HHAT: variants seen among roughly 807,000 people sequenced by gnomAD.
HHAT encodes protein-cysteine N-palmitoyltransferase HHAT.
Under a neutral mutation model 70.8 loss-of-function variants are expected in HHAT, and 47 were observed. That is an observed-to-expected ratio of 0.66 (90% CI 0.53 to 0.85). The LOEUF is 0.85. HHAT is among the 40% of genes least tolerant of loss of function. The probability of loss-of-function intolerance (pLI) is 0.00; values close to 1 mark genes in which losing one functional copy is unlikely to be tolerated. For missense variants in HHAT, 609 were observed against 604.8 expected (o/e 1.01, Z -0.07); for synonymous variants, 228 against 247.6 (o/e 0.92, Z 0.74).
intron 9 of HHAT, among the ~76,000 whole-genome samples, chr1:210,585,355 A>C (rs1384386100): frequency 6.6e-6 from 1 of 152,208 alleles, no homozygotes; most frequent in Non-Finnish European, 1.5e-5. Context: ...TAGTTGAAGC[A>C]GTAAAAAAAA....
At chr1:210,413,206 A>G (rs908269029) in intron 6 of HHAT, among the ~76,000 whole-genome samples, 49 of 152,356 alleles carry the variant, frequency 3.2e-4, no homozygotes, top group Admixed American at 2.6e-4. Flanking sequence ...TCCAAAGATT[A>G]CCACTGTTGA....
In HHAT at chr1:210,509,806, A is replaced by G. The variant is rs182100569; in HGVS notation, c.1008-3347A>G. On this transcript the variant is annotated intron_variant, in intron 8 of 11. Transcript: ENST00000261458. Reference sequence around the variant, plus strand: ...CCAAGGAAAGTGAGAGGCAGCATTAAATTAAAGCTTGTGTATATTCTACTC... The same window carrying G: ...CCAAGGAAAGTGAGAGGCAGCATTAGATTAAAGCTTGTGTATATTCTACTC... Among the ~76,000 whole-genome samples, 380 of 152,272 alleles carry G rather than the reference A, an allele frequency of 2.5e-3. 12 individuals are homozygous for G. The highest frequency in any genetic ancestry group is 1.9e-3 in the Non-Finnish European group (127 of 68,032).
At chr1:210,331,394 G>C (rs1247195618) in intron 1 of HHAT, among the ~76,000 whole-genome samples, 1 of 152,150 alleles carries the variant, frequency 6.6e-6, no homozygotes, top group Admixed American at 6.5e-5. Context: ...GCTTTTCGGT[G>C]CTTTTGTGGC....
intron 3 of HHAT, among the ~76,000 whole-genome samples, chr1:210,370,163 CTTTTTTTTTTTTT>C (rs200442278): frequency 7.4e-5 from 9 of 122,378 alleles, no homozygotes; most frequent in African/African-American, 2.4e-4. Context: ...TCTTCAATGA[CTTTTTTTTTTTTT>C]TTTTTTTTTT....
chr1:210,469,568 G>T (rs185857097), intron 8 of HHAT, among the ~76,000 whole-genome samples: 7 of 152,256 alleles, frequency 4.6e-5, no homozygotes, highest in Admixed American at 4.6e-4. Flanking sequence ...CAGGCATGCT[G>T]CAGAGATACC....
rs551580819 is a variant in HHAT, at chr1:210,609,996, T to C, written c.1246-13530T>C. ...CATACGTGTGCAAGTATCTTTATAA[T>C]AGAATGATTTATATTCCCTTGGGTA... is the stretch of plus-strand genomic sequence containing the variant. On this transcript the variant is annotated intron_variant, in intron 10 of 11. Coordinates refer to ENST00000261458, the MANE Select transcript of HHAT (RefSeq NM_018194.6). Among the ~76,000 whole-genome samples the C allele has an allele frequency of 6.2e-4, 94 of 152,328 alleles. 4 individuals carry two copies. In the South Asian group the frequency reaches 0.019, roughly 31 times the overall value.
intron 8 of HHAT, among the ~76,000 whole-genome samples, chr1:210,478,404 A>G (rs562587324): frequency 2.6e-5 from 4 of 152,290 alleles, no homozygotes; most frequent in East Asian, 3.9e-4. Flanking sequence ...AAGAAACTGG[A>G]CCAGCCCCTT....
chr1:210,546,618 G>A (rs1208429000), intron 9 of HHAT, among the ~76,000 whole-genome samples: 1 of 152,182 alleles, frequency 6.6e-6, no homozygotes, highest in African/African-American at 2.4e-5. Flanking sequence ...CCTCCACATG[G>A]CTTTAAGCAC....
At chr1:210,550,722 T>A (rs1386770107) in intron 9 of HHAT, among the ~76,000 whole-genome samples, 5 of 148,730 alleles carry the variant, frequency 3.4e-5, no homozygotes, top group African/African-American at 1.2e-4. Context: ...CAGGCTGGAG[T>A]GCAGTGGCAT....
intron 9 of HHAT, among the ~76,000 whole-genome samples, chr1:210,576,811 C>G (rs1476053529): frequency 6.6e-6 from 1 of 152,142 alleles, no homozygotes; most frequent in Non-Finnish European, 1.5e-5. Context: ...TCCATGGGCA[C>G]AGCATATCTT....
intron 7 of HHAT, among the ~76,000 whole-genome samples, chr1:210,451,634 A>G (rs1174468269): frequency 9.9e-5 from 15 of 152,174 alleles, no homozygotes; most frequent in Non-Finnish European, 2.2e-4. Context: ...GCTGAGGTGC[A>G]GTGGTACGAT....
intron 10 of HHAT, among the ~76,000 whole-genome samples, chr1:210,599,200 A>C (rs556693638): frequency 6.6e-6 from 1 of 152,352 alleles, no homozygotes; most frequent in East Asian, 1.9e-4. Flanking sequence ...GATTTTAAAT[A>C]TATTTAATTT....
chr1:210,512,670 CAAA>C (rs34037290), intron 8 of HHAT, among the ~76,000 whole-genome samples: 7,466 of 96,552 alleles, frequency 0.077, 543 homozygotes, highest in East Asian at 0.33. Flanking sequence ...GACCTTGTCT[CAAA>C]AAAAAAAAAA....
At chr1:210,480,519 A>G (rs1025602464) in intron 8 of HHAT, among the ~76,000 whole-genome samples, 1 of 152,190 alleles carries the variant, frequency 6.6e-6, no homozygotes, top group African/African-American at 2.4e-5. Flanking sequence ...AACTCTATGG[A>G]GCTTATTCCA....
At chr1:210,448,369 A>C (rs2093678516) in intron 7 of HHAT, among the ~76,000 whole-genome samples, 1 of 152,222 alleles carries the variant, frequency 6.6e-6, no homozygotes, top group Admixed American at 6.5e-5. Flanking sequence ...GACGTGAGCC[A>C]CTGCACCCAG....
chr1:210,379,792 G>A (rs2090494274), intron 3 of HHAT, among the ~76,000 whole-genome samples: 1 of 151,994 alleles, frequency 6.6e-6, no homozygotes, highest in African/African-American at 2.4e-5. Context: ...TGTATTCCAA[G>A]TGTTCTCCAT....
intron 10 of HHAT, among the ~76,000 whole-genome samples, chr1:210,593,430 C>A (rs1662208360): frequency 1.3e-5 from 2 of 152,002 alleles, no homozygotes; most frequent in African/African-American, 4.8e-5. Context: ...CTTCATTGAC[C>A]CTCTGTCATT....
Position 210,334,178 on chromosome 1 carries a change from ATTTTT to A in HHAT, c.-44+5090_-44+5094del, listed in dbSNP as rs3033354. ...TACTTGCTGGCCACTTTAGCGTGTC[ATTTTT>A]TTTTTTTTTTTTTTTGAGAAAGGGT... On this transcript the variant is annotated intron_variant, in intron 1 of 11. Coordinates refer to ENST00000261458, the MANE Select transcript of HHAT (RefSeq NM_018194.6). 7.0e-5 allele frequency among the ~76,000 whole-genome samples: 7 copies of A among 99,984 alleles called. 1 individual carries two copies. The highest frequency in any genetic ancestry group is 1.5e-4 in the African/African-American group (4 of 27,356). The allele number at this position is 99,984 out of a possible 152,430, so 65.6% of individuals were successfully genotyped here. A position where few individuals can be genotyped will look rare whatever the true frequency, so the allele number is the denominator to read the frequency against.
intron 1 of HHAT, among the ~76,000 whole-genome samples, chr1:210,330,226 C>G (rs1050600682): frequency 6.6e-6 from 1 of 152,152 alleles, no homozygotes; most frequent in Non-Finnish European, 1.5e-5. Flanking sequence ...TTTCTCCCTC[C>G]TTTCTCGTTG....
Sources: gnomAD v4.1 joint callset for allele counts (sites outside exome capture counted in the v4.1 genomes callset) on GRCh38, gnomAD v4.1.1 for gene constraint, MANE v1.5 for transcripts, NCBI Gene and HGNC (gene_info 2026-07-23, HGNC 2026-07-21) for gene names.